Variants in CLASP2 observed in about 807,000 individuals in gnomAD.
CLASP2 encodes the protein cytoplasmic linker associated protein 2.
A neutral mutation model predicts 194.4 loss-of-function variants in CLASP2; 47 were observed. The observed-to-expected ratio is 0.24, with a 90% CI of 0.19 to 0.31. The LOEUF (loss-of-function observed/expected upper bound fraction) is 0.31, where lower values mean the gene tolerates loss of function less well. CLASP2 is among the 10% of genes least tolerant of loss of function. The pLI, the probability that CLASP2 is intolerant of heterozygous loss-of-function variation, is 1.00. For synonymous variants in CLASP2, 619 were observed against 633.5 expected, an observed-to-expected ratio of 0.98 and a Z score of 0.34; for missense variants, 1,445 against 1,823.6, an observed-to-expected ratio of 0.79 and a Z score of 3.78.
chr3:33,555,539 A>C (rs1209582400), intron 29 of CLASP2, among the ~76,000 whole-genome samples: 1 of 152,030 alleles, frequency 6.6e-6, no homozygotes, highest in African/African-American at 2.4e-5. Context: ...CTAATTAAAA[A>C]AAATTTTTTG....
At chr3:33,527,045 C>G (rs2054754242) in intron 34 of CLASP2, among the ~76,000 whole-genome samples, 1 of 152,036 alleles carries the variant, frequency 6.6e-6, no homozygotes, top group East Asian at 1.9e-4. Context: ...AAATAACAAC[C>G]TAACTTCATA....
chr3:33,537,124 G>A (rs1029546221), intron 33 of CLASP2, among the ~76,000 whole-genome samples: 4 of 152,074 alleles, frequency 2.6e-5, no homozygotes, highest in African/African-American at 9.7e-5. Context: ...GCCAGGAACC[G>A]GGATTTGAAC....
At chr3:33,677,831 A>C (rs189931580) in intron 6 of CLASP2, among the ~76,000 whole-genome samples, 2 of 150,946 alleles carry the variant, frequency 1.3e-5, no homozygotes, top group African/African-American at 2.4e-5. Flanking sequence ...AACTATGATT[A>C]ATAGCTAAGG....
chr3:33,696,803 A>T, intron 2 of CLASP2, 52 bp downstream of exon 2: 1 of 1,177,802 alleles, frequency 8.5e-7, no homozygotes, highest in Non-Finnish European at 1.2e-6. Context: ...TAACGAAAAA[A>T]GTCATCATGT....
intron 8 of CLASP2, among the ~76,000 whole-genome samples, chr3:33,639,841 T>C (rs1446292653): frequency 1.3e-5 from 2 of 152,182 alleles, no homozygotes; most frequent in African/African-American, 4.8e-5. Context: ...TAAATATGTA[T>C]GATATGCAGT....
intron 2 of CLASP2, among the ~76,000 whole-genome samples, chr3:33,692,687 G>A (rs1237747502): frequency 2.0e-5 from 3 of 152,236 alleles, no homozygotes; most frequent in Admixed American, 1.3e-4. Flanking sequence ...TAAGGAAAAA[G>A]CACCTGTACC....
At chr3:33,500,329 G>A (rs2046551256) in intron 38 of CLASP2, among the ~76,000 whole-genome samples, 1 of 151,994 alleles carries the variant, frequency 6.6e-6, no homozygotes, top group African/African-American at 2.4e-5. Flanking sequence ...TGGCCTACTT[G>A]TTTCATCTAA....
At chr3:33,586,048 TG>T (rs1256575118) in intron 21 of CLASP2, among the ~76,000 whole-genome samples, 1 of 152,142 alleles carries the variant, frequency 6.6e-6, no homozygotes, top group African/African-American at 2.4e-5. Context: ...AAAGCGCTCT[TG>T]GGTAGTGACA....
intron 5 of CLASP2, among the ~76,000 whole-genome samples, chr3:33,686,479 G>A (rs1452787088): frequency 6.6e-6 from 1 of 152,120 alleles, no homozygotes; most frequent in East Asian, 1.9e-4. Flanking sequence ...GGGGATCTAG[G>A]TCGCATACTC....
intron 22 of CLASP2, among the ~76,000 whole-genome samples, chr3:33,583,484 C>T (rs956011299): frequency 2.6e-5 from 4 of 152,218 alleles, no homozygotes; most frequent in Non-Finnish European, 4.4e-5. Flanking sequence ...GGTGTCTTGG[C>T]TGCAAACAAC....
At chr3:33,555,433 T>C (rs112987842) in intron 29 of CLASP2, among the ~76,000 whole-genome samples, 1 of 151,756 alleles carries the variant, frequency 6.6e-6, no homozygotes, top group East Asian at 1.9e-4. Context: ...TGGTGTCATC[T>C]CGGCTCACTG....
chr3:33,695,688 C>T (rs890099482), intron 2 of CLASP2, among the ~76,000 whole-genome samples: 1 of 152,066 alleles, frequency 6.6e-6, no homozygotes, highest in Non-Finnish European at 1.5e-5. Flanking sequence ...GCCTATAATG[C>T]TAACACTTTG....
chr3:33,571,373 A>G (rs1037980937), intron 25 of CLASP2, among the ~76,000 whole-genome samples: 3 of 151,738 alleles, frequency 2.0e-5, no homozygotes, highest in Admixed American at 2.0e-4. Flanking sequence ...TCATGTCTGT[A>G]ATCCCAGCAC....
At chr3:33,561,053 AG>A (rs1193843572) in intron 27 of CLASP2, 82 bp from the exon 28 acceptor site, 1 of 1,210,106 alleles carries the variant, frequency 8.3e-7, no homozygotes, top group African/African-American at 1.5e-5. Context: ...GAATACAGAA[AG>A]GAACACAGGA....
chr3:33,703,540 C>A (rs1212357384), intron 1 of CLASP2, among the ~76,000 whole-genome samples: 1 of 152,240 alleles, frequency 6.6e-6, no homozygotes. Flanking sequence ...CAGTTTCTTA[C>A]AAAGCTATAT....
chr3:33,713,825 T>C (rs2093156698), intron 1 of CLASP2, among the ~76,000 whole-genome samples: 1 of 152,160 alleles, frequency 6.6e-6, no homozygotes, highest in East Asian at 1.9e-4. Flanking sequence ...GCTCAGGCTG[T>C]GTTTTCTCCA....
intron 2 of CLASP2, among the ~76,000 whole-genome samples, chr3:33,696,485 A>T (rs1414164747): frequency 8.0e-6 from 1 of 124,928 alleles, no homozygotes. Flanking sequence ...TTTTTTTTTG[A>T]GACAGAGTCT....
chr3:33,588,694 T>G (rs768335642), intron 21 of CLASP2: 1 of 702,206 alleles, frequency 1.4e-6, no homozygotes, highest in Non-Finnish European at 2.6e-6. Context: ...ATAAAGTCTA[T>G]AGATTCTTAC....
chr3:33,669,990 T>C (rs4450748), intron 6 of CLASP2, among the ~76,000 whole-genome samples: 65,748 of 152,008 alleles, frequency 0.43, 14,530 homozygotes, highest in Admixed American at 0.53. Context: ...AGTTTGGATT[T>C]GTAGTCTATT....
Sources: gnomAD v4.1 joint callset for allele counts (sites outside exome capture counted in the v4.1 genomes callset) on GRCh38, gnomAD v4.1.1 for gene constraint, MANE v1.5 for transcripts, NCBI Gene and HGNC (gene_info 2026-07-23, HGNC 2026-07-21) for gene names.